MICU1: variants seen among roughly 807,000 people sequenced by gnomAD.
The protein encoded by MICU1 is calcium uptake protein 1, mitochondrial.
A neutral mutation model predicts 56.8 loss-of-function variants in MICU1; 45 were observed. The ratio of observed to expected loss-of-function variants is 0.79; its 90% CI spans 0.62 to 1.02. The LOEUF is 1.02. Among genes scored for constraint, MICU1 ranks in the 50% least tolerant of loss-of-function variants. MICU1 has a pLI of 0.00. For missense variants in MICU1, 504 were observed against 587.1 expected (o/e 0.86, Z 1.46); for synonymous variants, 186 against 195.1 (o/e 0.95, Z 0.39).
intron 1 of MICU1, among the ~76,000 whole-genome samples, chr10:72,613,874 G>C (rs1259848506): frequency 6.6e-6 from 1 of 152,166 alleles, no homozygotes; most frequent in Non-Finnish European, 1.5e-5. Context: ...GCTGGGTGCA[G>C]TGGCTCACAC....
intron 8 of MICU1, among the ~76,000 whole-genome samples, chr10:72,435,307 G>A (rs1162983543): frequency 6.8e-6 from 1 of 147,010 alleles, no homozygotes; most frequent in Non-Finnish European, 1.5e-5. Flanking sequence ...AGGATCACTT[G>A]AGTCCAGGAG....
intron 1 of MICU1, among the ~76,000 whole-genome samples, chr10:72,600,969 T>C (rs926211179): frequency 2.6e-5 from 4 of 152,140 alleles, no homozygotes; most frequent in African/African-American, 9.7e-5. Flanking sequence ...TAACAGATAA[T>C]GATTATTACC....
intron 2 of MICU1, among the ~76,000 whole-genome samples, chr10:72,564,612 C>G (rs1164233401): frequency 7.0e-6 from 1 of 142,154 alleles, no homozygotes; most frequent in Non-Finnish European, 1.5e-5. Flanking sequence ...TGTCTGGAAA[C>G]ATTTTCTAGA....
At chr10:72,495,993 G>T (rs1188575834) in intron 6 of MICU1, among the ~76,000 whole-genome samples, 5 of 151,512 alleles carry the variant, frequency 3.3e-5, no homozygotes, top group Middle Eastern at 3.4e-3. Flanking sequence ...TTGAGACAAG[G>T]TCCTGCTCTG....
chr10:72,523,141 T>C (rs1208550720), intron 5 of MICU1, among the ~76,000 whole-genome samples: 2 of 152,166 alleles, frequency 1.3e-5, no homozygotes, highest in Non-Finnish European at 2.9e-5. Context: ...TAAGGACACC[T>C]ATCCAAGTCC....
chr10:72,377,872 TG>T (rs1438995563), intron 10 of MICU1, among the ~76,000 whole-genome samples: 1 of 152,212 alleles, frequency 6.6e-6, no homozygotes, highest in Non-Finnish European at 1.5e-5. Flanking sequence ...TTTTTGCATT[TG>T]ATCTTTCACT....
At chr10:72,414,865 A>G (rs1460913912) in intron 9 of MICU1, among the ~76,000 whole-genome samples, 2 of 152,080 alleles carry the variant, frequency 1.3e-5, no homozygotes, top group African/African-American at 4.8e-5. Flanking sequence ...CTGCCTTTTA[A>G]TCAGTCACAG....
In MICU1 at chr10:72,501,027, G is replaced by A. The variant is rs141648025; in HGVS notation, c.652+7128C>T. 2.3e-3 allele frequency among the ~76,000 whole-genome samples: 351 copies of A among 152,054 alleles called. 6 individuals carry two copies. The highest frequency in any genetic ancestry group is 0.02 in the Admixed American group (311 of 15,276). ...TCTTATTAACTTACTTTAAGAATCAGCAGTCCTTGGAAATTATTTAATAAT... is the reference window on the plus strand; with the variant it reads ...TCTTATTAACTTACTTTAAGAATCAACAGTCCTTGGAAATTATTTAATAAT... On this transcript the variant is annotated intron_variant, in intron 6 of 11. Transcript: ENST00000361114.
intron 5 of MICU1, among the ~76,000 whole-genome samples, chr10:72,517,788 T>A (rs2132372640): frequency 6.6e-6 from 1 of 152,120 alleles, no homozygotes; most frequent in African/African-American, 2.4e-5. Flanking sequence ...AAACTTTTTT[T>A]TTTTTTTTAA....
chr10:72,580,485 T>A (rs1164141582), intron 1 of MICU1, among the ~76,000 whole-genome samples: 1 of 152,076 alleles, frequency 6.6e-6, no homozygotes, highest in Non-Finnish European at 1.5e-5. Context: ...TTTATTTATT[T>A]ATTTATTTTG....
At chr10:72,511,043 T>A (rs1256839892) in intron 5 of MICU1, among the ~76,000 whole-genome samples, 1 of 152,244 alleles carries the variant, frequency 6.6e-6, no homozygotes, top group Non-Finnish European at 1.5e-5. Flanking sequence ...TTAGTTGTCA[T>A]GTCTCTTTAG....
intron 10 of MICU1, among the ~76,000 whole-genome samples, chr10:72,404,624 G>C (rs1159173070): frequency 6.6e-6 from 1 of 151,826 alleles, no homozygotes; most frequent in Admixed American, 6.6e-5. Flanking sequence ...GACATCAAAG[G>C]GATAATAATG....
chr10:72,467,635 T>C (rs566740318), intron 8 of MICU1: 1 of 152,264 alleles, frequency 6.6e-6, no homozygotes, highest in Non-Finnish European at 1.5e-5. Flanking sequence ...TCTATTCTTA[T>C]TGACAGATGA....
rs367710235 is a variant in MICU1, at chr10:72,393,206, T to C, written c.1180+14723A>G. ...TATCCCAAGTGTTGTTCTAGGCACA[T>C]GGAATACATCCATGAGCAAGACAGA... On this transcript the variant is annotated intron_variant, in intron 10 of 11. Transcript: ENST00000361114. Among the ~76,000 whole-genome samples the C allele has an allele frequency of 1.1e-4, 16 of 152,310 alleles. No homozygotes were observed. The South Asian group carries it at 3.3e-3, about 32-fold the overall frequency.
At chr10:72,515,112 G>A (rs188213009) in intron 5 of MICU1, among the ~76,000 whole-genome samples, 5 of 152,304 alleles carry the variant, frequency 3.3e-5, no homozygotes, top group South Asian at 4.2e-4. Context: ...CACATTGCTC[G>A]TTCTGACACA....
At chr10:72,574,444 A>C (rs1337287374) in intron 1 of MICU1, among the ~76,000 whole-genome samples, 1 of 152,098 alleles carries the variant, frequency 6.6e-6, no homozygotes, top group East Asian at 1.9e-4. Flanking sequence ...GCTTGAACCC[A>C]GGAGGTGGAG....
At chr10:72,444,372 T>C (rs1296290835) in intron 8 of MICU1, among the ~76,000 whole-genome samples, 1 of 150,266 alleles carries the variant, frequency 6.7e-6, no homozygotes, top group Non-Finnish European at 1.5e-5. Flanking sequence ...TAAAGTATAA[T>C]AATAATAAGA....
intron 11 of MICU1, among the ~76,000 whole-genome samples, chr10:72,374,890 C>T (rs1248129498): frequency 6.9e-6 from 1 of 143,968 alleles, no homozygotes; most frequent in Non-Finnish European, 1.5e-5. Context: ...GATCTCTGCT[C>T]CCTGCTGCCT....
At chr10:72,441,615 C>CT (rs71018287) in intron 8 of MICU1, among the ~76,000 whole-genome samples, 4,976 of 105,410 alleles carry the variant, frequency 0.047, 589 homozygotes, top group African/African-American at 0.17. Context: ...TTTAATTTTT[C>CT]TTTTTTTTTT....
Sources: allele counts gnomAD v4.1 joint callset (sites outside exome capture counted in the v4.1 genomes callset), GRCh38; gene constraint gnomAD v4.1.1; transcripts MANE v1.5; gene names NCBI Gene and HGNC (gene_info 2026-07-23, HGNC 2026-07-21).